Variants in SLC27A6 observed in about 807,000 individuals in gnomAD.
The protein encoded by SLC27A6 is solute carrier family 27 member 6.
SLC27A6 carries 74 observed loss-of-function variants against 63.9 expected under a neutral mutation model. The ratio of observed to expected loss-of-function variants is 1.16; its 90% CI spans 0.96 to 1.40. The LOEUF is 1.40. Among genes scored for constraint, SLC27A6 ranks in the 40% most tolerant of loss-of-function variants. The pLI is 0.00. For synonymous variants in SLC27A6, 287 were observed against 260.8 expected (o/e 1.10, Z -0.97); for missense variants, 794 against 732.9 (o/e 1.08, Z -0.96).
At chr5:128,993,171 G>A (rs111734087) in intron 4 of SLC27A6, among the ~76,000 whole-genome samples, 7 of 148,132 alleles carry the variant, frequency 4.7e-5, no homozygotes, top group African/African-American at 1.2e-4. Context: ...GAGTATGCCT[G>A]TTGCACAGTG....
At chr5:128,993,174 G>A (rs996990475) in intron 4 of SLC27A6, among the ~76,000 whole-genome samples, 17 of 152,186 alleles carry the variant, frequency 1.1e-4, no homozygotes, top group Non-Finnish European at 1.8e-4. Context: ...TATGCCTGTT[G>A]CACAGTGTCT....
chr5:128,969,045 G>A (rs1580695294), intron 1 of SLC27A6, among the ~76,000 whole-genome samples: 1 of 152,148 alleles, frequency 6.6e-6, no homozygotes, highest in Middle Eastern at 3.4e-3. Context: ...TCTTGTTTTT[G>A]TCAGGTTTGT....
At chr5:128,988,003 C>T (rs1296022357) in intron 2 of SLC27A6, among the ~76,000 whole-genome samples, 1 of 151,816 alleles carries the variant, frequency 6.6e-6, no homozygotes, top group Non-Finnish European at 1.5e-5. Flanking sequence ...ATATTACAGA[C>T]TACTGAAAAC....
intron 4 of SLC27A6, among the ~76,000 whole-genome samples, chr5:129,007,797 TAGATA>T (rs1417229793): frequency 2.0e-5 from 3 of 152,094 alleles, no homozygotes; most frequent in East Asian, 3.9e-4. Context: ...CAAAAATTTA[TAGATA>T]AGATATTCAC....
intron 4 of SLC27A6, among the ~76,000 whole-genome samples, chr5:129,004,827 T>A (rs918542951): frequency 6.6e-6 from 1 of 152,204 alleles, no homozygotes; most frequent in Non-Finnish European, 1.5e-5. Flanking sequence ...CAGGCCCTCA[T>A]CTCTATGTCT....
intron 4 of SLC27A6, among the ~76,000 whole-genome samples, chr5:129,004,743 C>T (rs1751461853): frequency 6.6e-6 from 1 of 152,154 alleles, no homozygotes. Context: ...TTGGTTGTAT[C>T]TTAGGTGACG....
At chr5:128,968,274 C>A (rs542258479) in intron 1 of SLC27A6, among the ~76,000 whole-genome samples, 9 of 152,120 alleles carry the variant, frequency 5.9e-5, no homozygotes, top group Non-Finnish European at 1.0e-4. Context: ...TGGGTATATA[C>A]CCGGTAATGG....
chr5:129,015,640 A>T (rs997758893), intron 4 of SLC27A6, among the ~76,000 whole-genome samples: 10 of 152,150 alleles, frequency 6.6e-5, no homozygotes, highest in Non-Finnish European at 1.5e-4. Context: ...AAAAGCCTTT[A>T]GTGATCTGCA....
At chr5:128,979,824 G>A (rs1164857796) in intron 1 of SLC27A6, among the ~76,000 whole-genome samples, 1 of 152,162 alleles carries the variant, frequency 6.6e-6, no homozygotes, top group South Asian at 2.1e-4. Flanking sequence ...AGAAACTTGT[G>A]TGCATATATT....
chr5:129,004,024 G>C (rs1344489720), intron 4 of SLC27A6, among the ~76,000 whole-genome samples: 1 of 151,176 alleles, frequency 6.6e-6, no homozygotes, highest in Non-Finnish European at 1.5e-5. Flanking sequence ...ATGTGTGTGA[G>C]CTTTCTGAGA....
chr5:128,985,210 C>G lies in SLC27A6; in HGVS notation c.559C>G (p.Pro187Ala), dbSNP rs200600199. Residue 187 changes from proline (P) to alanine (A), a missense_variant, in exon 2 of 10, where the codon CCA (proline) becomes GCA (alanine). Pro to Ala is a conservative substitution (Grantham distance 27, BLOSUM62 -1). Coordinates refer to ENST00000262462, the MANE Select transcript of SLC27A6 (RefSeq NM_001017372.3). ...ISVWGMKDSV[P>A]QGVISLKEKL... ...TGTTTGGGGGATGAAAGATTCTGTT[C>G]CACAAGGTGTAATTTCACTCAAAGA... The G allele has an allele frequency of 1.2e-6, 2 of 1,613,828 alleles. No individual in the cohort carries two copies. Among genetic ancestry groups the G allele is most frequent in the Middle Eastern group, 1.7e-4 (1 of 6,038 alleles).
At chr5:128,988,868 A>G in intron 3 of SLC27A6, 110 bp downstream of exon 3, 1 of 714,252 alleles carries the variant, frequency 1.4e-6, no homozygotes, top group Non-Finnish European at 2.3e-6. Flanking sequence ...TTATATGCAT[A>G]TTATTTTATT....
intron 1 of SLC27A6, among the ~76,000 whole-genome samples, chr5:128,983,097 C>G (rs894835439): frequency 6.6e-5 from 10 of 152,044 alleles, no homozygotes; most frequent in Admixed American, 5.2e-4. Flanking sequence ...TGATAGTTGG[C>G]CTTTTGAGGG....
At chr5:129,001,670 G>A (rs1463184462) in intron 4 of SLC27A6, among the ~76,000 whole-genome samples, 2 of 152,092 alleles carry the variant, frequency 1.3e-5, no homozygotes, top group Non-Finnish European at 2.9e-5. Flanking sequence ...TTTCTTTTGT[G>A]TCTCTCCACC....
chr5:129,017,941 G>A (rs1751959742), intron 5 of SLC27A6, among the ~76,000 whole-genome samples: 1 of 152,092 alleles, frequency 6.6e-6, no homozygotes, highest in Non-Finnish European at 1.5e-5. Flanking sequence ...TAATGCAGAA[G>A]GAGAAAAAAC....
chr5:128,979,142 C>G (rs1750495693), intron 1 of SLC27A6, among the ~76,000 whole-genome samples: 1 of 102,876 alleles, frequency 9.7e-6, no homozygotes, highest in Admixed American at 9.3e-5. Flanking sequence ...TGCATAATGG[C>G]AGAGACAGCC....
intron 4 of SLC27A6, among the ~76,000 whole-genome samples, chr5:128,995,478 T>G (rs1032067878): frequency 4.6e-5 from 7 of 151,990 alleles, no homozygotes; most frequent in African/African-American, 1.2e-4. Flanking sequence ...TTACAGACAA[T>G]GACAAAGGTT....
At chr5:129,015,105 T>C (rs1222946060) in intron 4 of SLC27A6, among the ~76,000 whole-genome samples, 1 of 152,190 alleles carries the variant, frequency 6.6e-6, no homozygotes, top group Non-Finnish European at 1.5e-5. Context: ...TTTTTGGTGA[T>C]GATGGAGGTA....
At chr5:128,977,093 G>A (rs17766921) in intron 1 of SLC27A6, among the ~76,000 whole-genome samples, 11,757 of 152,204 alleles carry the variant, frequency 0.077, 1,265 homozygotes, top group East Asian at 0.56. Flanking sequence ...AATGAACAGT[G>A]GAGAGTGGAC....
Sources: gnomAD v4.1 joint callset for allele counts (sites outside exome capture counted in the v4.1 genomes callset) on GRCh38, gnomAD v4.1.1 for gene constraint, MANE v1.5 for transcripts, NCBI Gene and HGNC (gene_info 2026-07-23, HGNC 2026-07-21) for gene names.